The following ANOS1 variants were observed in gnomAD, a reference collection of about 807,000 sequenced individuals.
ANOS1 encodes anosmin 1, also known as anosmin-1.
A neutral mutation model predicts 59.0 loss-of-function variants in ANOS1; 6 were observed. The ratio of observed to expected loss-of-function variants is 0.10; its 90% CI spans 0.06 to 0.20. The LOEUF (loss-of-function observed/expected upper bound fraction) is 0.20, where lower values mean the gene tolerates loss of function less well. Among genes scored for constraint, ANOS1 ranks in the 10% least tolerant of loss-of-function variants. The pLI is 1.00. For synonymous variants in ANOS1, 217 were observed against 223.4 expected (o/e 0.97, Z 0.25); for missense variants, 433 against 542.3 (o/e 0.80, Z 2.00).
chrX:8,554,379 T>C (rs1929907482), intron 8 of ANOS1, among the ~76,000 whole-genome samples: 1 of 110,324 alleles, frequency 9.1e-6, no homozygotes, highest in Non-Finnish European at 1.9e-5. Context: ...AGGGAAGCCG[T>C]GAGTGAGGGA....
At chrX:8,660,241 C>G (rs1308912165) in intron 2 of ANOS1, among the ~76,000 whole-genome samples, 11 of 111,790 alleles carry the variant, frequency 9.8e-5, no homozygotes, top group Non-Finnish European at 2.1e-4. Context: ...GTTCCACACA[C>G]ACAAAAAGGT....
intron 3 of ANOS1, among the ~76,000 whole-genome samples, chrX:8,618,207 C>T (rs1485367198): frequency 4.5e-5 from 5 of 112,075 alleles, no homozygotes; most frequent in African/African-American, 1.6e-4. Flanking sequence ...AATGCAAAAT[C>T]GCAAAGAAAT....
chrX:8,634,083 A>G (rs1931534143), intron 2 of ANOS1, among the ~76,000 whole-genome samples: 1 of 111,722 alleles, frequency 9.0e-6, no homozygotes, highest in South Asian at 3.8e-4. Context: ...TTGGTATTAT[A>G]TCAGTGTTAT....
At chrX:8,731,303 T>A (rs1932974367) in intron 1 of ANOS1, among the ~76,000 whole-genome samples, 1 of 111,586 alleles carries the variant, frequency 9.0e-6, no homozygotes, top group South Asian at 3.7e-4. Flanking sequence ...GCTCCAAGGG[T>A]GGGCAGCGAG....
chrX:8,585,524 A>G, intron 5 of ANOS1, 128 bp from the exon 6 acceptor site: 1 of 730,867 alleles, frequency 1.4e-6, no homozygotes, highest in Non-Finnish European at 2.1e-6. Context: ...CCCTGATAAG[A>G]GGGGCTTATC....
At chrX:8,618,741 T>C (rs1931219407) in intron 3 of ANOS1, among the ~76,000 whole-genome samples, 1 of 111,912 alleles carries the variant, frequency 8.9e-6, no homozygotes, top group South Asian at 3.7e-4. Context: ...TTGTATTTGG[T>C]TAAAAAAAGT....
intron 2 of ANOS1, among the ~76,000 whole-genome samples, chrX:8,635,228 T>C (rs1182541102): frequency 1.8e-5 from 2 of 111,246 alleles, no homozygotes; most frequent in Non-Finnish European, 3.8e-5. Flanking sequence ...GATAAGTCCT[T>C]CTTACAACAT....
chrX:8,602,439 A>G (rs1930860701), intron 3 of ANOS1, among the ~76,000 whole-genome samples: 3 of 111,801 alleles, frequency 2.7e-5, no homozygotes, highest in Non-Finnish European at 5.6e-5. Context: ...CTGACCATTA[A>G]GCATGTAAAA....
chrX:8,627,492 A>G (rs1931415518), intron 2 of ANOS1, among the ~76,000 whole-genome samples: 1 of 112,666 alleles, frequency 8.9e-6, no homozygotes, highest in African/African-American at 3.2e-5. Context: ...GTCTAGCATC[A>G]GTATATGTCA....
chrX:8,545,877 G>A (rs998914395), intron 9 of ANOS1, among the ~76,000 whole-genome samples: 2 of 112,140 alleles, frequency 1.8e-5, no homozygotes, highest in Admixed American at 9.5e-5. Context: ...TCCCTTATTT[G>A]CCAAAAGCAT....
At chrX:8,588,467 G>A (rs1930559507) in intron 4 of ANOS1, among the ~76,000 whole-genome samples, 1 of 100,660 alleles carries the variant, frequency 9.9e-6, no homozygotes. Flanking sequence ...TCTTTCTCAG[G>A]GAGTTTTTCA....
chrX:8,640,672 T>G (rs749425851), intron 2 of ANOS1, among the ~76,000 whole-genome samples: 1 of 110,046 alleles, frequency 9.1e-6, no homozygotes, highest in South Asian at 3.9e-4. Context: ...AATTTTAAAA[T>G]TAATTCTTCT....
chrX:8,576,862 T>C (rs1403335143), intron 6 of ANOS1, among the ~76,000 whole-genome samples: 1 of 111,740 alleles, frequency 8.9e-6, no homozygotes, highest in Admixed American at 9.6e-5. Flanking sequence ...AGCCTTTTAA[T>C]GGGAAAAGTG....
chrX:8,723,490 A>G (rs1932889522), intron 1 of ANOS1, among the ~76,000 whole-genome samples: 1 of 112,457 alleles, frequency 8.9e-6, no homozygotes, highest in African/African-American at 3.2e-5. Flanking sequence ...GATCAGGGAA[A>G]TGCAAATAAA....
chrX:8,581,481 T>A (rs1175511205), intron 6 of ANOS1, among the ~76,000 whole-genome samples: 1 of 111,833 alleles, frequency 8.9e-6, no homozygotes, highest in East Asian at 2.8e-4. Flanking sequence ...TCCATATGTC[T>A]CAATTTGAGG....
chrX:8,564,436 C>T (rs73199006), intron 8 of ANOS1, among the ~76,000 whole-genome samples: 25,034 of 111,414 alleles, frequency 0.22, 2,234 homozygotes, highest in Non-Finnish European at 0.29. Context: ...CTGAGCAGAT[C>T]AAGCCAGTGG....
chrX:8,643,259 C>A (rs1379423411), intron 2 of ANOS1, among the ~76,000 whole-genome samples: 2 of 112,006 alleles, frequency 1.8e-5, no homozygotes, highest in Non-Finnish European at 3.8e-5. Flanking sequence ...ATCATCTACT[C>A]TTTTTAAATG....
chrX:8,556,699 C>T (rs1929954917), intron 8 of ANOS1, among the ~76,000 whole-genome samples: 1 of 112,058 alleles, frequency 8.9e-6, no homozygotes, highest in Non-Finnish European at 1.9e-5. Flanking sequence ...AATGGAAAAA[C>T]ATTCCATGCA....
chrX:8,598,395 C>T (rs890490083), intron 3 of ANOS1, among the ~76,000 whole-genome samples: 4 of 112,171 alleles, frequency 3.6e-5, no homozygotes, highest in African/African-American at 6.5e-5. Flanking sequence ...GGACAGCACT[C>T]GGTCATCCCT....
Sources: allele counts gnomAD v4.1 joint callset (sites outside exome capture counted in the v4.1 genomes callset), GRCh38; gene constraint gnomAD v4.1.1; transcripts MANE v1.5; gene names NCBI Gene and HGNC (gene_info 2026-07-23, HGNC 2026-07-21).